ST3GAL1: variants seen among roughly 807,000 people sequenced by gnomAD.
ST3GAL1 encodes the protein ST3 beta-galactoside alpha-2,3-sialyltransferase 1.
In ST3GAL1, 16 loss-of-function variants were observed where a neutral mutation model predicts 34.1. The observed-to-expected ratio is 0.47, with a 90% confidence interval of 0.32 to 0.71. The LOEUF (loss-of-function observed/expected upper bound fraction) is 0.71. Among genes scored for constraint, ST3GAL1 ranks in the 30% least tolerant of loss-of-function variants. The probability of loss-of-function intolerance (pLI) is 0.04; values close to 1 mark genes in which losing one functional copy is unlikely to be tolerated. For synonymous variants in ST3GAL1, 191 were observed against 184.7 expected, an observed-to-expected ratio of 1.03 and a Z score of -0.28; for missense variants, 353 against 447.4, an observed-to-expected ratio of 0.79 and a Z score of 1.90.
chr8:133,506,502 C>T (rs565804758), intron 2 of ST3GAL1, among the ~76,000 whole-genome samples: 19 of 152,302 alleles, frequency 1.2e-4, no homozygotes, highest in African/African-American at 3.4e-4. Flanking sequence ...TGGCAAACTG[C>T]GGCTGGGCAC....
At position 133,459,648 on chromosome 8, in the gene ST3GAL1, C is replaced by T. The variant is rs905047316; in HGVS notation, c.*116G>A. 9.6e-6 allele frequency: 13 copies of T among 1,356,150 alleles called. No homozygotes were observed. The East Asian group carries it at 1.5e-4, about 15-fold the overall frequency. The allele number at this position is 1,356,150 out of a possible 1,614,324, so 84.0% of individuals were successfully genotyped here. A position where few individuals can be genotyped will look rare whatever the true frequency, so the allele number is the denominator to read the frequency against. On this transcript the variant is annotated 3_prime_UTR_variant, in exon 10 of 10. Coordinates refer to ENST00000522652, the MANE Select transcript of ST3GAL1 (RefSeq NM_173344.3). The surrounding 1 kb of genome is among the most constrained non-coding windows in gnomAD (Gnocchi z 4.7). ...GGGTGCAAGAGGCTGTGAGCGGTGC[C>T]CAGGCACACACCTGAGGCTGCCCCT...
At chr8:133,463,710 A>T (rs774877786) in intron 7 of ST3GAL1, among the ~76,000 whole-genome samples, 10 of 152,150 alleles carry the variant, frequency 6.6e-5, no homozygotes, top group Non-Finnish European at 1.2e-4. Flanking sequence ...ATTCCCCAAA[A>T]AGGTGAGGAG....
In ST3GAL1 at chr8:133,476,388, G is replaced by T. The variant is rs1046260278; in HGVS notation, c.-161C>A. 3.8e-5 allele frequency: 7 copies of T among 182,008 alleles called. No individual in the cohort carries two copies. The highest frequency in any genetic ancestry group is 1.1e-4 in the Admixed American group (2 of 18,216). The allele number at this position is 182,008 out of a possible 1,614,324, so 11.3% of individuals were successfully genotyped here. On this transcript the variant is annotated 5_prime_UTR_variant, in exon 4 of 10. Coordinates refer to ENST00000522652, the MANE Select transcript of ST3GAL1 (RefSeq NM_173344.3). ...CTTTCACATCCAAAGAAGATAAGGG[G>T]TCATTAATCTCTGTGACAGTCCAGG...
At chr8:133,460,008 G>C (rs1341328022) in intron 9 of ST3GAL1, 71 bp from the exon 10 acceptor site, 7 of 1,498,900 alleles carry the variant, frequency 4.7e-6, no homozygotes, top group Non-Finnish European at 6.3e-6. Flanking sequence ...AAGGAAGCCT[G>C]TAGGCGTTCC....
intron 1 of ST3GAL1, among the ~76,000 whole-genome samples, chr8:133,557,418 GC>G (rs938463981): frequency 1.6e-4 from 24 of 152,176 alleles, no homozygotes; most frequent in Admixed American, 1.3e-3. Flanking sequence ...ACCCTGAGCA[GC>G]CCAAGATGAG....
intron 1 of ST3GAL1, among the ~76,000 whole-genome samples, chr8:133,558,930 C>A (rs1819136900): frequency 6.6e-6 from 1 of 152,080 alleles, no homozygotes. Context: ...TTCCTCATGT[C>A]CTCGTGGGTC....
chr8:133,499,853 A>T lies in ST3GAL1; in HGVS notation c.-428-664T>A, dbSNP rs144355404. On this transcript the variant is annotated intron_variant, in intron 2 of 9. Transcript: ENST00000522652. The stretch of plus-strand genomic sequence containing the variant: ...TCAAAGGCTGTTCTCACCCACCCCC[A>T]TCCCCAGGGAAGCGTGTGCACTCGC... Among the ~76,000 whole-genome samples, 155 of 152,244 alleles carry T rather than the reference A, an allele frequency of 1.0e-3. No homozygotes were observed. The Middle Eastern group carries it at 0.01, about 10-fold the overall frequency.
At position 133,550,599 on chromosome 8, in the gene ST3GAL1, C is replaced by T. The variant is rs142941123; in HGVS notation, c.-581-4673G>A. The stretch of plus-strand genomic sequence containing the variant: ...GCCCATTCATCCCTTTCATTTCCAT[C>T]CATCCAACTGGTAGCCACTAGCACC... On this transcript the variant is annotated intron_variant, in intron 1 of 9. Transcript: ENST00000522652. Among the ~76,000 whole-genome samples, 306 of 152,292 alleles carry T rather than the reference C, an allele frequency of 2.0e-3. 2 individuals carry two copies. In the Middle Eastern group the frequency reaches 0.02, roughly 10 times the overall value.
At chr8:133,565,167 G>GTGTGTA (rs1302026598) in intron 1 of ST3GAL1, among the ~76,000 whole-genome samples, 1 of 150,958 alleles carries the variant, frequency 6.6e-6, no homozygotes, top group Non-Finnish European at 1.5e-5. Flanking sequence ...GTGTGTGTGT[G>GTGTGTA]TGTGTGTGTG....
chr8:133,551,870 C>T (rs1818874460), intron 1 of ST3GAL1, among the ~76,000 whole-genome samples: 1 of 152,122 alleles, frequency 6.6e-6, no homozygotes, highest in East Asian at 1.9e-4. Flanking sequence ...CACAATGGTC[C>T]TTGGATGTGT....
In ST3GAL1 at chr8:133,542,733, A is replaced by G. The variant is rs181116031; in HGVS notation, c.-429+3041T>C. On this transcript the variant is annotated intron_variant, in intron 2 of 9. Coordinates refer to ENST00000522652, the MANE Select transcript of ST3GAL1 (RefSeq NM_173344.3). ...GAGGTTGCAGTGGGCAAAGATCAAG[A>G]TTGCACCACTGCATTCCAGCCTGGG... Among the ~76,000 whole-genome samples the G allele has an allele frequency of 4.3e-3, 640 of 148,330 alleles. 2 individuals are homozygous for G. The highest frequency in any genetic ancestry group is 0.015 in the African/African-American group (601 of 40,252).
At position 133,570,685 on chromosome 8, in the gene ST3GAL1, C is replaced by T. The variant is rs1265322705; in HGVS notation, c.-582+1008G>A. ...ATCTCAAGTTCAGCCGCGCTTCCTCCCGCAAGGTCACGCTTAAACACTCGC... is the reference window on the plus strand; with the variant it reads ...ATCTCAAGTTCAGCCGCGCTTCCTCTCGCAAGGTCACGCTTAAACACTCGC... On this transcript the variant is annotated intron_variant, in intron 1 of 9. Transcript: ENST00000522652. This position sits in a 1 kb window ranked among gnomAD's most constrained non-coding sequence, Gnocchi z 5.6. 6.6e-6 allele frequency among the ~76,000 whole-genome samples: 1 copy of T among 152,208 alleles called. No individual in the cohort carries two copies. The highest frequency in any genetic ancestry group is 1.5e-5 in the Non-Finnish European group (1 of 68,032).
chr8:133,470,711 G>GC (rs1815919992), intron 5 of ST3GAL1, among the ~76,000 whole-genome samples: 1 of 152,180 alleles, frequency 6.6e-6, no homozygotes, highest in South Asian at 2.1e-4. Flanking sequence ...GGAGAAGGAA[G>GC]GGGAGGTCTC....
chr8:133,531,799 C>T (rs562258840), intron 2 of ST3GAL1, among the ~76,000 whole-genome samples: 16 of 121,642 alleles, frequency 1.3e-4, no homozygotes, highest in South Asian at 3.2e-4. Flanking sequence ...ACTTGTATCC[C>T]GAAACTTAAA....
intron 3 of ST3GAL1, among the ~76,000 whole-genome samples, chr8:133,498,875 C>T (rs1195903318): frequency 6.6e-6 from 1 of 152,200 alleles, no homozygotes; most frequent in Non-Finnish European, 1.5e-5. Context: ...GATCCTGAAC[C>T]CAGGTGCGCC....
At chr8:133,540,748 T>TATATATATAGAGAC (rs1563733851) in intron 2 of ST3GAL1, among the ~76,000 whole-genome samples, 73 of 56,374 alleles carry the variant, frequency 1.3e-3, no homozygotes, top group African/African-American at 4.1e-3. Context: ...TATATAGACA[T>TATATATATAGAGAC]ATATATATAT....
In ST3GAL1 at chr8:133,541,114, T is replaced by A. The variant is rs534775942; in HGVS notation, c.-429+4660A>T. Among the ~76,000 whole-genome samples the A allele has an allele frequency of 4.9e-3, 218 of 44,064 alleles. 17 individuals carry two copies. Among genetic ancestry groups the A allele is most frequent in the African/African-American group, 0.025 (212 of 8,330 alleles). 28.9% of individuals were successfully genotyped at this position (44,064 alleles called of 152,430 possible). A position where few individuals can be genotyped will look rare whatever the true frequency, so the allele number is the denominator to read the frequency against. On this transcript the variant is annotated intron_variant, in intron 2 of 9. Transcript: ENST00000522652. Reference sequence around the variant, plus strand: ...ATATAAACATATATATATATATATATATATATAGAGAGAGAGAGAGAGAGA... The same window carrying A: ...ATATAAACATATATATATATATATAAATATATAGAGAGAGAGAGAGAGAGA...
chr8:133,462,671 G>A (rs997781904), intron 8 of ST3GAL1, among the ~76,000 whole-genome samples: 2 of 152,170 alleles, frequency 1.3e-5, no homozygotes, highest in African/African-American at 4.8e-5. Context: ...GGACTGGAAG[G>A]GTGGATTCTG....
intron 3 of ST3GAL1, among the ~76,000 whole-genome samples, chr8:133,495,739 A>G (rs967916118): frequency 6.6e-6 from 1 of 152,182 alleles, no homozygotes; most frequent in Non-Finnish European, 1.5e-5. Context: ...CCTGTCCTAT[A>G]TCGTAACCCA....
Sources: gnomAD v4.1 joint callset for allele counts (sites outside exome capture counted in the v4.1 genomes callset) on GRCh38, gnomAD v4.1.1 for gene constraint, Gnocchi (gnomAD v3.1) non-coding constraint, MANE v1.5 for transcripts, NCBI Gene and HGNC (gene_info 2026-07-23, HGNC 2026-07-21) for gene names.